CTNNA3: variants seen among roughly 807,000 people sequenced by gnomAD.
The protein encoded by CTNNA3 is catenin alpha-3.
In CTNNA3, 76 loss-of-function variants were observed where a neutral mutation model predicts 95.7. That is an observed-to-expected ratio of 0.79 (90% confidence interval 0.66 to 0.96). CTNNA3 has a LOEUF of 0.96. Ranked by LOEUF, CTNNA3 falls within the 40% of genes least tolerant of loss-of-function variation. The pLI is 0.00. For synonymous variants in CTNNA3, 431 were observed against 374.4 expected (o/e 1.15, Z -1.74); for missense variants, 1,191 against 1,089.8 (o/e 1.09, Z -1.31).
intron 7 of CTNNA3, among the ~76,000 whole-genome samples, chr10:67,085,615 T>A (rs1245287115): frequency 2.0e-5 from 3 of 152,040 alleles, no homozygotes; most frequent in African/African-American, 7.2e-5. Flanking sequence ...TTAAAGTTTA[T>A]GTTTGTGTCA....
At chr10:66,097,284 T>C (rs918578150) in intron 14 of CTNNA3, among the ~76,000 whole-genome samples, 3 of 152,140 alleles carry the variant, frequency 2.0e-5, no homozygotes, top group African/African-American at 7.2e-5. Flanking sequence ...GAGATTTGTA[T>C]TTACAAAGCT....
At chr10:67,143,150 A>T (rs1860667945) in intron 7 of CTNNA3, among the ~76,000 whole-genome samples, 1 of 151,738 alleles carries the variant, frequency 6.6e-6, no homozygotes, top group East Asian at 2.0e-4. Flanking sequence ...CAAAAGATTT[A>T]TCTGGGCCAG....
intron 17 of CTNNA3, among the ~76,000 whole-genome samples, chr10:65,952,447 TCTC>T: frequency 6.6e-6 from 1 of 152,254 alleles, no homozygotes; most frequent in East Asian, 1.9e-4. Context: ...TCTTCTTGCT[TCTC>T]CTCCTTTCCC....
At chr10:66,495,598 C>T (rs1840073094) in intron 11 of CTNNA3, among the ~76,000 whole-genome samples, 1 of 152,044 alleles carries the variant, frequency 6.6e-6, no homozygotes, top group Non-Finnish European at 1.5e-5. Flanking sequence ...TTTAGCTAAG[C>T]TTTATTGTAG....
chr10:67,389,603 T>C (rs1368699452), intron 5 of CTNNA3, among the ~76,000 whole-genome samples: 1 of 148,514 alleles, frequency 6.7e-6, no homozygotes, highest in Non-Finnish European at 1.5e-5. Flanking sequence ...CAACAGAATA[T>C]ACATTTTTTT....
At chr10:66,817,113 A>G (rs1842118159) in intron 7 of CTNNA3, among the ~76,000 whole-genome samples, 2 of 152,040 alleles carry the variant, frequency 1.3e-5, no homozygotes, top group South Asian at 4.1e-4. Context: ...ATCTTAGGGT[A>G]CAGTGTATAC....
chr10:66,649,988 A>C (rs1008936515), intron 9 of CTNNA3, among the ~76,000 whole-genome samples: 1 of 152,120 alleles, frequency 6.6e-6, no homozygotes, highest in African/African-American at 2.4e-5. Flanking sequence ...CCAGATTAGC[A>C]CTCCTGGTCT....
intron 14 of CTNNA3, among the ~76,000 whole-genome samples, chr10:66,092,718 G>A (rs561533165): frequency 1.3e-5 from 2 of 151,938 alleles, no homozygotes; most frequent in South Asian, 2.1e-4. Flanking sequence ...TTATAAGGTG[G>A]AAAACGGGCA....
intron 1 of CTNNA3, among the ~76,000 whole-genome samples, chr10:67,668,114 T>C (rs1158159327): frequency 2.0e-5 from 3 of 152,148 alleles, no homozygotes; most frequent in African/African-American, 7.2e-5. Context: ...CACTCAATGG[T>C]TTTTGGTTTT....
chr10:66,461,789 G>T (rs903263880), intron 11 of CTNNA3, among the ~76,000 whole-genome samples: 17 of 149,558 alleles, frequency 1.1e-4, no homozygotes, highest in Non-Finnish European at 1.5e-5. Context: ...TTCTACTGCT[G>T]AAGTAATATC....
chr10:66,500,816 G>A (rs1050530703), intron 11 of CTNNA3, among the ~76,000 whole-genome samples: 6 of 152,126 alleles, frequency 3.9e-5, no homozygotes, highest in African/African-American at 1.4e-4. Flanking sequence ...CTCTGAAGTT[G>A]ATTAAATTAT....
At chr10:66,607,748 C>T (rs1482783297) in intron 10 of CTNNA3, among the ~76,000 whole-genome samples, 1 of 152,088 alleles carries the variant, frequency 6.6e-6, no homozygotes, top group African/African-American at 2.4e-5. Flanking sequence ...AATTCAGTAT[C>T]ACTTTTATGT....
intron 15 of CTNNA3, among the ~76,000 whole-genome samples, chr10:66,042,423 A>G (rs1401553953): frequency 6.6e-6 from 1 of 152,182 alleles, no homozygotes; most frequent in African/African-American, 2.4e-5. Context: ...AAGTGGTGGG[A>G]AAAGGGATAT....
intron 3 of CTNNA3, among the ~76,000 whole-genome samples, chr10:67,554,650 A>G (rs182456608): frequency 1.8e-3 from 267 of 152,254 alleles, no homozygotes; most frequent in African/African-American, 6.0e-3. Context: ...GATTCTGTAT[A>G]TTAGCCTTTT....
At chr10:65,930,219 A>AAAAAAAAAAAAAC (rs1564522076) in intron 17 of CTNNA3, among the ~76,000 whole-genome samples, 1 of 147,220 alleles carries the variant, frequency 6.8e-6, no homozygotes, top group Non-Finnish European at 1.5e-5. Context: ...AAAAAAAAAA[A>AAAAAAAAAAAAAC]AAAAAAACAG....
chr10:66,748,475 A>G (rs1455250027), intron 9 of CTNNA3, among the ~76,000 whole-genome samples: 2 of 152,282 alleles, frequency 1.3e-5, no homozygotes, highest in African/African-American at 4.8e-5. Flanking sequence ...CAGCTCCTAT[A>G]TAATTAATAT....
chr10:66,436,092 C>A (rs1474930203), intron 11 of CTNNA3, among the ~76,000 whole-genome samples: 1 of 152,034 alleles, frequency 6.6e-6, no homozygotes, highest in East Asian at 1.9e-4. Context: ...GTTTTACTTT[C>A]AATTATGTGG....
intron 5 of CTNNA3, among the ~76,000 whole-genome samples, chr10:67,490,705 A>C (rs573158344): frequency 6.6e-6 from 1 of 152,256 alleles, no homozygotes; most frequent in East Asian, 1.9e-4. Context: ...TTGCAAAAAT[A>C]ATGGAAAAAG....
Position 67,521,824 on chromosome 10 carries a change from G to A in CTNNA3, c.579+18C>T. Reference sequence around the variant, plus strand: ...TAAAGTGTTCATCTCCTCCACCAAGGAGAGCTCTGACTCCTACCTGCTGAC... The same window carrying A: ...TAAAGTGTTCATCTCCTCCACCAAGAAGAGCTCTGACTCCTACCTGCTGAC... On this transcript the variant is annotated intron_variant, in intron 5 of 17. Transcript: ENST00000433211. 1.9e-6 allele frequency: 3 copies of A among 1,610,970 alleles called. No homozygotes were observed. The South Asian group carries it at 3.3e-5, about 18-fold the overall frequency.
Sources: gnomAD v4.1 joint callset for allele counts (sites outside exome capture counted in the v4.1 genomes callset) on GRCh38, gnomAD v4.1.1 for gene constraint, MANE v1.5 for transcripts, NCBI Gene and HGNC (gene_info 2026-07-23, HGNC 2026-07-21) for gene names.